Variants in GZF1 observed in about 807,000 individuals in gnomAD.
The protein encoded by GZF1 is GDNF-inducible zinc finger protein 1.
A neutral mutation model predicts 49.4 loss-of-function variants in GZF1; 28 were observed. The observed-to-expected ratio is 0.57, with a 90% CI of 0.42 to 0.78. The LOEUF (loss-of-function observed/expected upper bound fraction) is 0.78, where lower values mean the gene tolerates loss of function less well. GZF1 is among the 30% of genes least tolerant of loss of function. The pLI is 0.00. For synonymous variants in GZF1, 364 were observed against 356.0 expected, an observed-to-expected ratio of 1.02 and a Z score of -0.25; for missense variants, 798 against 916.2, an observed-to-expected ratio of 0.87 and a Z score of 1.67.
rs1982109846 is a variant in GZF1 at position 23,371,852 on chromosome 20, G to A, written c.*1411G>A. 1 of 152,250 alleles carries A rather than the reference G, an allele frequency of 6.6e-6. No individual in the cohort carries two copies. Among genetic ancestry groups the A allele is most frequent in the African/African-American group, 2.4e-5 (1 of 41,450 alleles). 9.4% of individuals were successfully genotyped at this position (152,250 alleles called of 1,614,324 possible). A position where few individuals can be genotyped will look rare whatever the true frequency, so the allele number is the denominator to read the frequency against. ...GTACTTTAAGTTCCAGAATGAACAT[G>A]TAGCTGCACTATGCCAGAAATTAAT... On this transcript the variant is annotated 3_prime_UTR_variant, in exon 6 of 6. Transcript: ENST00000338121.
At chr20:23,369,270 CACATGCAT>C (rs1220688186) in intron 4 of GZF1, among the ~76,000 whole-genome samples, 1 of 152,214 alleles carries the variant, frequency 6.6e-6, no homozygotes, top group African/African-American at 2.4e-5. Context: ...TGCACATGCA[CACATGCAT>C]ATTCAGTTGT....
At chr20:23,368,540 G>A (rs1220452741) in intron 3 of GZF1, among the ~76,000 whole-genome samples, 1 of 152,166 alleles carries the variant, frequency 6.6e-6, no homozygotes, top group Non-Finnish European at 1.5e-5. Flanking sequence ...CTAGTCAAAT[G>A]GAATTTTTCT....
Position 23,371,846 on chromosome 20 carries a change from G to A in GZF1, c.*1405G>A, listed in dbSNP as rs1482985020. 6.6e-6 allele frequency: 1 copy of A among 152,210 alleles called. No individual in the cohort carries two copies. Among genetic ancestry groups the A allele is most frequent in the African/African-American group, 2.4e-5 (1 of 41,430 alleles). 9.4% of individuals were successfully genotyped at this position (152,210 alleles called of 1,614,324 possible). A position where few individuals can be genotyped will look rare whatever the true frequency, so the allele number is the denominator to read the frequency against. On this transcript the variant is annotated 3_prime_UTR_variant, in exon 6 of 6. Coordinates refer to ENST00000338121, the MANE Select transcript of GZF1 (RefSeq NM_022482.5). ...AGGAAGGTACTTTAAGTTCCAGAATGAACATGTAGCTGCACTATGCCAGAA... is the reference window on the plus strand; with the variant it reads ...AGGAAGGTACTTTAAGTTCCAGAATAAACATGTAGCTGCACTATGCCAGAA...
Position 23,364,519 on chromosome 20 carries a change from T to C in GZF1, c.136T>C (p.Phe46Leu). ...SVEYQGVRKD[F>L]MAHKAVLAAT... ...GGAGTATCAGGGTGTCCGCAAAGAC[T>C]TCATGGCCCACAAGGCAGTGCTGGC... The change falls in exon 2 of 6, where the codon TTC becomes CTC. Residue 46 changes from phenylalanine to leucine, a missense_variant. Phe to Leu is a conservative substitution (Grantham distance 22). Around this residue, in one of 3 missense-constraint regions of GZF1, gnomAD observed 105 missense variants for 147.5 expected, o/e 0.71. Transcript: ENST00000338121. 1 of 1,614,258 alleles carries C rather than the reference T, an allele frequency of 6.2e-7. No individual in the cohort carries two copies. The highest frequency in any genetic ancestry group is 8.5e-7 in the Non-Finnish European group (1 of 1,180,052).
rs1981176149 is a variant in GZF1 at position 23,365,257 on chromosome 20, T to C, written c.874T>C (p.Ser292Pro). 1 of 1,604,672 alleles carries C rather than the reference T, an allele frequency of 6.2e-7. No homozygotes were observed. The highest frequency in any genetic ancestry group is 8.5e-7 in the Non-Finnish European group (1 of 1,175,146). The change falls in exon 2 of 6, where the codon TCA becomes CCA. Residue 292 changes from serine to proline, a missense_variant. By Grantham distance (74) the Ser-to-Pro change is moderately conservative. Around this residue, in one of 3 missense-constraint regions of GZF1, gnomAD observed 247 missense variants for 228.5 expected, o/e 1.08. Coordinates refer to ENST00000338121, the MANE Select transcript of GZF1 (RefSeq NM_022482.5). The part of the protein sequence containing the change: ...CQAGAELEEL[S>P]KKAGPEEEEE... ...GGCAGGTGCTGAGTTGGAGGAATTG[T>C]CAAAGAAAGCAGGGCCGGAGGAGGA...
Position 23,367,056 on chromosome 20 carries a change from C to T in GZF1, c.1418C>T (p.Thr473Ile). The stretch of plus-strand genomic sequence containing the variant: ...TGTGATGAATGTGGTGCAAGATTCA[C>T]TCAGAACCACATGCTGATTTATCAT... ...FVCDECGARF[T>I]QNHMLIYHKR... Residue 473 changes from threonine (T) to isoleucine (I), a missense_variant, in exon 3 of 6, where the codon ACT becomes ATT. Coordinates refer to ENST00000338121, the MANE Select transcript of GZF1 (RefSeq NM_022482.5). 6.2e-7 allele frequency: 1 copy of T among 1,613,224 alleles called. No homozygotes were observed. Among genetic ancestry groups the T allele is most frequent in the Non-Finnish European group, 8.5e-7 (1 of 1,179,632 alleles).
rs1197080425 is a variant in GZF1, at chr20:23,370,365, T to C, written c.2060T>C (p.Ile687Thr). Reference protein sequence around the residue: ...VSQDTLLATTISELSELTPQT... With the variant: ...VSQDTLLATTTSELSELTPQT... ...CAGGACACCCTCCTGGCCACCACCA[T>C]CAGTGAGCTTAGCGAGCTGACCCCA... The change falls in exon 6 of 6, where the codon ATC (isoleucine) becomes ACC (threonine). Residue 687 changes from isoleucine (I) to threonine (T), a missense_variant. Around this residue, in one of 3 missense-constraint regions of GZF1, gnomAD observed 446 missense variants for 540.1 expected, o/e 0.83. Transcript: ENST00000338121. The C allele has an allele frequency of 6.2e-7, 1 of 1,614,106 alleles. No homozygotes were observed. The highest frequency in any genetic ancestry group is 8.5e-7 in the Non-Finnish European group (1 of 1,179,982).
At chr20:23,362,958 CCCAGTGGCTCTATAAGAG>C (rs1568581380) in intron 1 of GZF1, 2 of 152,222 alleles carry the variant, frequency 1.3e-5, no homozygotes, top group African/African-American at 2.4e-5. Flanking sequence ...CCACTGAAAC[CCCAGTGGCTCTATAAGAG>C]CCCCACTCTT....
intron 3 of GZF1, among the ~76,000 whole-genome samples, chr20:23,368,423 A>G (rs1337115043): frequency 6.6e-6 from 1 of 152,214 alleles, no homozygotes; most frequent in Non-Finnish European, 1.5e-5. Flanking sequence ...TTCCTTTGAA[A>G]ATAATCCAGC....
rs761210018 is a variant in GZF1, at chr20:23,370,411, A to T, written c.2106A>T (p.Thr702=). Residue 702 remains threonine, a synonymous_variant, in exon 6 of 6, where the codon ACA becomes ACT. Coordinates refer to ENST00000338121, the MANE Select transcript of GZF1 (RefSeq NM_022482.5). ...CCCCACAGACAGACTCGATGCCCAC[A>T]CAGCTTCACTCTTTGAGCAACATGG... ...ELTPQTDSMP[T]QLHSLSNME The T allele has an allele frequency of 1.2e-6, 2 of 1,613,332 alleles. No individual in the cohort carries two copies. Among genetic ancestry groups the T allele is most frequent in the South Asian group, 2.2e-5 (2 of 91,064 alleles).
chr20:23,367,195 G>GTT, intron 3 of GZF1, 98 bp downstream of exon 3: 1 of 814,454 alleles, frequency 1.2e-6, no homozygotes, highest in Non-Finnish European at 2.1e-6. Flanking sequence ...GGTGGTGCAG[G>GTT]TTAAAGCCAT....
chr20:23,365,923 G>A (rs2095827947), intron 2 of GZF1, among the ~76,000 whole-genome samples, 176 bp downstream of exon 2: 1 of 152,244 alleles, frequency 6.6e-6, no homozygotes, highest in Admixed American at 6.5e-5. Flanking sequence ...TGATGGCTCT[G>A]CTCCCTTGTT....
chr20:23,364,976 C>T lies in GZF1; in HGVS notation c.593C>T (p.Pro198Leu), dbSNP rs751131191. 21 of 1,614,072 alleles carry T rather than the reference C, an allele frequency of 1.3e-5. No homozygotes were observed. The highest frequency in any genetic ancestry group is 2.2e-5 in the South Asian group (2 of 91,088). Residue 198 changes from proline to leucine, a missense_variant, in exon 2 of 6, where the codon CCG (proline) becomes CTG (leucine). Coordinates refer to ENST00000338121, the MANE Select transcript of GZF1 (RefSeq NM_022482.5). ...AATGGCATGTCTTCAGATTTGCCAC[C>T]GAAGAAGTCCAAGGACAAACTAGAC... is the stretch of plus-strand genomic sequence containing the variant. ...ASNGMSSDLP[P>L]KKSKDKLDKK...
At chr20:23,366,198 G>A (rs1016459352) in intron 2 of GZF1, among the ~76,000 whole-genome samples, 1 of 152,220 alleles carries the variant, frequency 6.6e-6, no homozygotes, top group Non-Finnish European at 1.5e-5. Context: ...GTGCCATCTA[G>A]GCAGTCTGCA....
At chr20:23,366,420 A>G (rs930292792) in intron 2 of GZF1, among the ~76,000 whole-genome samples, 2 of 152,182 alleles carry the variant, frequency 1.3e-5, no homozygotes, top group African/African-American at 4.8e-5. Context: ...TTTACTCTAT[A>G]TAATAAGTTA....
chr20:23,365,178 C>T lies in GZF1; in HGVS notation c.795C>T (p.Ser265=). Residue 265 remains serine (S), a synonymous_variant, in exon 2 of 6, where the codon AGC becomes AGT. Transcript: ENST00000338121. The part of the protein sequence containing the change: ...VGDYRCPQDQ[S]PDRVGTEMEQ... ...ACTACAGGTGTCCCCAGGACCAAAG[C>T]CCGGACAGGGTGGGCACGGAGATGG... 1 of 1,611,234 alleles carries T rather than the reference C, an allele frequency of 6.2e-7. No homozygotes were observed. The highest frequency in any genetic ancestry group is 8.5e-7 in the Non-Finnish European group (1 of 1,178,652).
rs199754225 is a variant in GZF1 at position 23,364,398 on chromosome 20, A to C, written c.15A>C (p.Ala5=). ...AAGGAAGAAAGATGGAAAGCGGTGC[A>C]GTTCTGCTGGAATCCAAATCCTCCC... is the stretch of plus-strand genomic sequence containing the variant. MESG[A]VLLESKSSPF... The change falls in exon 2 of 6, where the codon GCA becomes GCC. Residue 5 remains alanine, a synonymous_variant. Coordinates refer to ENST00000338121, the MANE Select transcript of GZF1 (RefSeq NM_022482.5). 14 of 1,583,602 alleles carry C rather than the reference A, an allele frequency of 8.8e-6. No individual in the cohort carries two copies. Among genetic ancestry groups the C allele is most frequent in the Non-Finnish European group, 1.2e-5 (14 of 1,162,468 alleles).
chr20:23,367,020 A>G lies in GZF1; in HGVS notation c.1382A>G (p.Lys461Arg), dbSNP rs1981479497. 6.2e-7 allele frequency: 1 copy of G among 1,612,520 alleles called. No homozygotes were observed. Among genetic ancestry groups the G allele is most frequent in the Non-Finnish European group, 8.5e-7 (1 of 1,178,982 alleles). Residue 461 changes from lysine to arginine, a missense_variant, in exon 3 of 6, where the codon AAA becomes AGA. By Grantham distance (26) the Lys-to-Arg change is conservative. This residue lies in a region of GZF1 where 446 missense variants were observed against 540.1 expected (regional missense o/e 0.83). Transcript: ENST00000338121. ...ACTTTCAGAATTCATACAGGGGAAA[A>G]ACCTTTTGTCTGTGATGAATGTGGT... is the stretch of plus-strand genomic sequence containing the variant. The part of the protein sequence containing the change: ...KTHMRIHTGE[K>R]PFVCDECGAR...
intron 4 of GZF1, 34 bp downstream of exon 4, chr20:23,368,963 G>C: frequency 1.3e-6 from 2 of 1,532,288 alleles, no homozygotes; most frequent in South Asian, 1.2e-5. Flanking sequence ...AGGGAGTTTA[G>C]TTTGGCCAAA....
Sources: allele counts gnomAD v4.1 joint callset (sites outside exome capture counted in the v4.1 genomes callset), GRCh38; gene constraint gnomAD v4.1.1; regional missense constraint gnomAD v4.1.1; transcripts MANE v1.5; gene names NCBI Gene and HGNC (gene_info 2026-07-23, HGNC 2026-07-21).